Variants in GPM6A observed in about 807,000 individuals in gnomAD.
The protein encoded by GPM6A is glycoprotein M6A.
Under a neutral mutation model 32.1 loss-of-function variants are expected in GPM6A, and 7 were observed. That is an observed-to-expected ratio of 0.22 (90% CI 0.12 to 0.41). The LOEUF is 0.41. GPM6A is among the 10% of genes least tolerant of loss of function. GPM6A has a pLI of 1.00. For synonymous variants in GPM6A, 130 were observed against 123.4 expected (o/e 1.05, Z -0.35); for missense variants, 235 against 347.2 (o/e 0.68, Z 2.57).
At chr4:175,943,357 G>A (rs1390601540) in intron 1 of GPM6A, among the ~76,000 whole-genome samples, 1 of 152,138 alleles carries the variant, frequency 6.6e-6, no homozygotes, top group Non-Finnish European at 1.5e-5. Flanking sequence ...ATTCCTATTT[G>A]AATACCTTTT....
chr4:175,642,593 C>G (rs1420406537), intron 4 of GPM6A, among the ~76,000 whole-genome samples: 1 of 152,118 alleles, frequency 6.6e-6, no homozygotes, highest in African/African-American at 2.4e-5. Context: ...TTCATGCTCT[C>G]TTCATTTGTC....
chr4:175,706,099 C>A (rs1277990110), intron 1 of GPM6A, among the ~76,000 whole-genome samples: 1 of 152,046 alleles, frequency 6.6e-6, no homozygotes, highest in East Asian at 1.9e-4. Context: ...GTTCAACACA[C>A]CCTCTGAAAC....
chr4:175,966,306 G>A (rs2126412961), intron 1 of GPM6A, among the ~76,000 whole-genome samples: 1 of 152,134 alleles, frequency 6.6e-6, no homozygotes, highest in African/African-American at 2.4e-5. Context: ...GGAGGCTGAG[G>A]TGAGAGAATC....
intron 2 of GPM6A, among the ~76,000 whole-genome samples, chr4:175,684,236 TTTGC>T (rs1743848282): frequency 6.6e-6 from 1 of 152,338 alleles, no homozygotes; most frequent in South Asian, 2.1e-4. Flanking sequence ...TTTCTTCTAG[TTTGC>T]CATTTGTCTT....
chr4:175,790,755 C>A (rs547800780), intron 1 of GPM6A, among the ~76,000 whole-genome samples: 1 of 152,250 alleles, frequency 6.6e-6, no homozygotes, highest in Non-Finnish European at 1.5e-5. Context: ...CCAAGAACGG[C>A]AAATGCCATG....
chr4:175,984,553 A>G (rs1218850561), intron 1 of GPM6A, among the ~76,000 whole-genome samples: 1 of 152,132 alleles, frequency 6.6e-6, no homozygotes, highest in African/African-American at 2.4e-5. Context: ...CTTAACACTT[A>G]AAAAAATCCA....
chr4:175,811,941 T>C, intron 1 of GPM6A: 1 of 364,998 alleles, frequency 2.7e-6, no homozygotes, highest in Non-Finnish European at 4.9e-6. Context: ...AATAGTTCAC[T>C]ACAATACCGC....
chr4:175,725,693 A>T (rs924347054), intron 1 of GPM6A, among the ~76,000 whole-genome samples: 2 of 152,204 alleles, frequency 1.3e-5, no homozygotes, highest in Non-Finnish European at 2.9e-5. Flanking sequence ...TTTCCAAAAC[A>T]ATAAAAACGG....
At chr4:175,845,352 A>T (rs1313122006) in intron 1 of GPM6A, among the ~76,000 whole-genome samples, 1 of 152,094 alleles carries the variant, frequency 6.6e-6, no homozygotes, top group Non-Finnish European at 1.5e-5. Context: ...TTTTTTACTT[A>T]CAGGGATAAC....
At chr4:175,724,437 G>C (rs370554415) in intron 1 of GPM6A, among the ~76,000 whole-genome samples, 2 of 152,084 alleles carry the variant, frequency 1.3e-5, no homozygotes, top group Non-Finnish European at 2.9e-5. Context: ...CCAGCTACTC[G>C]GGAGGCTAAG....
intron 1 of GPM6A, among the ~76,000 whole-genome samples, chr4:175,739,699 G>A (rs1029666284): frequency 6.6e-6 from 1 of 151,854 alleles, no homozygotes; most frequent in African/African-American, 2.4e-5. Context: ...TAAGGTTCAG[G>A]GGCAAAAGTG....
At chr4:175,782,567 G>A (rs576559110) in intron 1 of GPM6A, among the ~76,000 whole-genome samples, 12 of 151,836 alleles carry the variant, frequency 7.9e-5, no homozygotes, top group African/African-American at 1.4e-4. Flanking sequence ...AATACAATGC[G>A]GCAAATTAAT....
intron 1 of GPM6A, among the ~76,000 whole-genome samples, chr4:175,910,259 T>C (rs947144308): frequency 6.6e-6 from 1 of 152,222 alleles, no homozygotes; most frequent in African/African-American, 2.4e-5. Context: ...CTTCTCTGGC[T>C]ATTCTTAGGC....
At chr4:175,648,758 C>A (rs994051473) in intron 4 of GPM6A, among the ~76,000 whole-genome samples, 5 of 152,134 alleles carry the variant, frequency 3.3e-5, no homozygotes, top group African/African-American at 1.2e-4. Context: ...ATCTTTCTGC[C>A]TTTTTTCTAT....
intron 2 of GPM6A, among the ~76,000 whole-genome samples, chr4:175,681,376 C>T (rs554483154): frequency 6.6e-6 from 1 of 152,188 alleles, no homozygotes; most frequent in South Asian, 2.1e-4. Flanking sequence ...TGATTATGGG[C>T]ACTATATATC....
chr4:175,666,925 C>T (rs986790016), intron 3 of GPM6A, among the ~76,000 whole-genome samples: 10 of 152,112 alleles, frequency 6.6e-5, no homozygotes, highest in African/African-American at 2.4e-4. Flanking sequence ...CCTGCAGATG[C>T]CTTCATTTAA....
intron 1 of GPM6A, among the ~76,000 whole-genome samples, chr4:175,943,878 G>A (rs1433405152): frequency 1.3e-5 from 2 of 152,146 alleles, no homozygotes; most frequent in Admixed American, 6.6e-5. Context: ...TTGGTACGAG[G>A]ATGATGCCGG....
At chr4:175,711,459 C>T (rs7693760) in intron 1 of GPM6A, among the ~76,000 whole-genome samples, 3,113 of 14,142 alleles carry the variant, frequency 0.22, 544 homozygotes, top group East Asian at 0.64. Flanking sequence ...TATATATATA[C>T]ACACACATAC....
chr4:175,819,863 G>A (rs1579538564), intron 1 of GPM6A, among the ~76,000 whole-genome samples: 2 of 152,078 alleles, frequency 1.3e-5, no homozygotes, highest in East Asian at 3.9e-4. Context: ...CCAACATGTT[G>A]CCAGATGCTG....
Sources: allele counts gnomAD v4.1 joint callset (sites outside exome capture counted in the v4.1 genomes callset), GRCh38; gene constraint gnomAD v4.1.1; transcripts MANE v1.5; gene names NCBI Gene and HGNC (gene_info 2026-07-23, HGNC 2026-07-21).